The following RP1 variants were observed in gnomAD, a reference collection of about 807,000 sequenced individuals.
The protein encoded by RP1 is oxygen-regulated protein 1.
RP1 carries 16 observed loss-of-function variants against 14.8 expected under a neutral mutation model. The ratio of observed to expected loss-of-function variants is 1.08; its 90% CI spans 0.73 to 1.65. The LOEUF is 1.65. Among genes scored for constraint, RP1 ranks in the 40% most tolerant of loss-of-function variants. The pLI is 0.00. For missense variants in RP1, 2,631 were observed against 2,535.0 expected (o/e 1.04, Z -0.81); for synonymous variants, 876 against 883.6 (o/e 0.99, Z 0.15).
chr8:54,861,548 T>C (rs1391750837), intron 27 of RP1, among the ~76,000 whole-genome samples: 1 of 152,280 alleles, frequency 6.6e-6, no homozygotes, highest in Non-Finnish European at 1.5e-5. Context: ...TGCATAGTTG[T>C]GTTGTTTCCA....
intron 17 of RP1, among the ~76,000 whole-genome samples, chr8:54,731,662 A>G (rs901164374): frequency 6.6e-6 from 1 of 152,156 alleles, no homozygotes; most frequent in Non-Finnish European, 1.5e-5. Context: ...TGTGCAAATG[A>G]TGCAAGAACA....
chr8:54,623,470 AT>A (rs948179692), intron 3 of RP1, among the ~76,000 whole-genome samples: 346 of 145,944 alleles, frequency 2.4e-3, no homozygotes, highest in African/African-American at 6.3e-3. Context: ...TGCTAACAGG[AT>A]TTTTTTTTTT....
exon 29 of RP1, chr8:54,870,887 G>A (rs1177940530): frequency 2.0e-5 from 3 of 152,120 alleles, no homozygotes; most frequent in South Asian, 2.1e-4. Flanking sequence ...CAGGAGAGCC[G>A]GGATGTGACC....
At chr8:54,722,482 G>T (rs1050887072) in intron 16 of RP1, among the ~76,000 whole-genome samples, 1 of 151,992 alleles carries the variant, frequency 6.6e-6, no homozygotes, top group Non-Finnish European at 1.5e-5. Flanking sequence ...GTGTTAGCCA[G>T]GATGGTCTCA....
chr8:54,846,235 A>C (rs1483575005), intron 25 of RP1, among the ~76,000 whole-genome samples: 1 of 152,224 alleles, frequency 6.6e-6, no homozygotes, highest in Non-Finnish European at 1.5e-5. Context: ...TTATACATTC[A>C]TTTGAGAAAC....
At chr8:54,865,825 A>C in intron 27 of RP1, 1 of 1,147,968 alleles carries the variant, frequency 8.7e-7, no homozygotes, top group Non-Finnish European at 1.1e-6. Flanking sequence ...TCCTTTGTCA[A>C]CTGACACAGG....
At chr8:54,596,300 C>G (rs962486150) in intron 1 of RP1, among the ~76,000 whole-genome samples, 1 of 152,192 alleles carries the variant, frequency 6.6e-6, no homozygotes, top group Admixed American at 6.5e-5. Context: ...CCTAGACTCT[C>G]TTGTCCATTA....
At chr8:54,846,302 T>G (rs899086743) in intron 25 of RP1, among the ~76,000 whole-genome samples, 5 of 152,244 alleles carry the variant, frequency 3.3e-5, no homozygotes, top group Non-Finnish European at 7.3e-5. Context: ...TACTGCTATA[T>G]CTGCATTGTT....
intron 19 of RP1, among the ~76,000 whole-genome samples, chr8:54,749,222 T>G (rs1300921551): frequency 6.6e-6 from 1 of 151,902 alleles, no homozygotes; most frequent in African/African-American, 2.4e-5. Context: ...TCCCAGCTAC[T>G]TGGGAGGCTG....
At chr8:54,758,795 A>G in intron 21 of RP1, 1 of 926,168 alleles carries the variant, frequency 1.1e-6, no homozygotes, top group East Asian at 2.6e-5. Flanking sequence ...GATGCTAACT[A>G]CAGTAACATC....
chr8:54,866,748 T>C (rs1399959184), intron 28 of RP1, among the ~76,000 whole-genome samples: 1 of 152,130 alleles, frequency 6.6e-6, no homozygotes, highest in Non-Finnish European at 1.5e-5. Flanking sequence ...CAAGGACCTA[T>C]GGTCCCCACA....
intron 24 of RP1, among the ~76,000 whole-genome samples, chr8:54,816,645 T>C (rs1811138096): frequency 6.6e-6 from 1 of 152,242 alleles, no homozygotes; most frequent in Non-Finnish European, 1.5e-5. Flanking sequence ...TACTAGTCTC[T>C]TACATAGTCT....
intron 24 of RP1, among the ~76,000 whole-genome samples, chr8:54,823,261 A>G (rs1042143779): frequency 1.3e-5 from 2 of 152,132 alleles, no homozygotes; most frequent in African/African-American, 4.8e-5. Context: ...TTATATCTCA[A>G]TAATGTTTAG....
At chr8:54,634,334 T>C (rs567598005), downstream of RP1, among the ~76,000 whole-genome samples, 18 of 152,244 alleles carry the variant, frequency 1.2e-4, no homozygotes, top group African/African-American at 4.3e-4. Context: ...AAATAAGCAA[T>C]AAGAAATGCT....
chr8:54,628,021 A>G lies in RP1; in HGVS notation c.4139A>G (p.Tyr1380Cys), dbSNP rs1806124064. 2 of 1,614,028 alleles carry G rather than the reference A, an allele frequency of 1.2e-6. No homozygotes were observed. Among genetic ancestry groups the G allele is most frequent in the South Asian group, 1.1e-5 (1 of 91,084 alleles). The change falls in exon 4 of 4, where the codon TAT (tyrosine) becomes TGT (cysteine). Residue 1380 changes from tyrosine (Y) to cysteine (C), a missense_variant. By Grantham distance (194) the Tyr-to-Cys change is radical (BLOSUM62 -2). Coordinates refer to ENST00000220676, the MANE Select transcript of RP1 (RefSeq NM_006269.2). ...KDLNILTDPEYKNGFNTLVSH... is the reference protein window; with the variant it reads ...KDLNILTDPECKNGFNTLVSH... ...CTAAATATTTTGACAGACCCTGAAT[A>G]TAAAAATGGATTTAATACATTGGTG...
chr8:54,751,534 A>T (rs960837596), intron 19 of RP1, among the ~76,000 whole-genome samples: 3 of 152,242 alleles, frequency 2.0e-5, no homozygotes, highest in African/African-American at 7.2e-5. Flanking sequence ...GTTTTCATTA[A>T]TCTATCTTAA....
intron 22 of RP1, among the ~76,000 whole-genome samples, chr8:54,764,065 G>A (rs549856685): frequency 6.6e-6 from 1 of 152,244 alleles, no homozygotes; most frequent in Non-Finnish European, 1.5e-5. Flanking sequence ...CCAGACTCAC[G>A]CCCTTTTCAC....
At chr8:54,843,176 C>A (rs541354609) in intron 25 of RP1, among the ~76,000 whole-genome samples, 40 of 152,302 alleles carry the variant, frequency 2.6e-4, no homozygotes, top group Admixed American at 2.6e-3. Context: ...GCTGGGACTA[C>A]AGGCGTGCAC....
chr8:54,661,914 T>C (rs1173773411), intron 6 of RP1, among the ~76,000 whole-genome samples: 3 of 152,162 alleles, frequency 2.0e-5, no homozygotes, highest in African/African-American at 7.2e-5. Context: ...TTTTAAAATT[T>C]GTTTATGATG....
Sources: allele counts gnomAD v4.1 joint callset (sites outside exome capture counted in the v4.1 genomes callset), GRCh38; gene constraint gnomAD v4.1.1; transcripts MANE v1.5; gene names NCBI Gene and HGNC (gene_info 2026-07-23, HGNC 2026-07-21).